Variants in CRTAC1 observed in about 807,000 individuals in gnomAD.
CRTAC1 encodes the protein cartilage acidic protein 1.
Under a neutral mutation model 67.8 loss-of-function variants are expected in CRTAC1, and 37 were observed. The observed-to-expected ratio is 0.55, with a 90% CI of 0.42 to 0.72. CRTAC1 has a LOEUF of 0.72. Ranked by LOEUF, CRTAC1 falls within the 30% of genes least tolerant of loss-of-function variation. CRTAC1 has a pLI of 0.00. For missense variants in CRTAC1, 780 were observed against 931.6 expected, an observed-to-expected ratio of 0.84 and a Z score of 2.12; for synonymous variants, 348 against 371.0, an observed-to-expected ratio of 0.94 and a Z score of 0.71.
chr10:97,865,817 C>CG, intron 14 of CRTAC1, 103 bp from the exon 15 acceptor site: 4 of 1,096,184 alleles, frequency 3.6e-6, no homozygotes, highest in Non-Finnish European at 4.9e-6. Flanking sequence ...ACCCTGCTGC[C>CG]CGGGGTGGGA....
chr10:97,899,646 C>T (rs1223509550), intron 8 of CRTAC1, among the ~76,000 whole-genome samples: 2 of 152,188 alleles, frequency 1.3e-5, no homozygotes, highest in Admixed American at 1.3e-4. Context: ...AAATCTAGCG[C>T]CTTCAGGGGG....
At chr10:97,993,175 A>G (rs975501388) in intron 2 of CRTAC1, among the ~76,000 whole-genome samples, 2 of 152,192 alleles carry the variant, frequency 1.3e-5, no homozygotes, top group South Asian at 2.1e-4. Flanking sequence ...TGGAGGCTCA[A>G]TGATACTGTC....
At chr10:97,992,198 TA>T (rs1484661627) in intron 2 of CRTAC1, among the ~76,000 whole-genome samples, 3 of 152,132 alleles carry the variant, frequency 2.0e-5, no homozygotes, top group African/African-American at 4.8e-5. Flanking sequence ...GAAGCAACTT[TA>T]AAAGATCCTG....
At chr10:98,024,674 AT>A (rs534146019) in intron 1 of CRTAC1, among the ~76,000 whole-genome samples, 30 of 145,250 alleles carry the variant, frequency 2.1e-4, no homozygotes, top group African/African-American at 7.6e-4. Context: ...GAAAATTTTA[AT>A]TTTTTTAGTG....
At chr10:97,943,086 GA>G (rs1296265795) in intron 2 of CRTAC1, among the ~76,000 whole-genome samples, 6 of 151,668 alleles carry the variant, frequency 4.0e-5, no homozygotes, top group African/African-American at 1.5e-4. Context: ...AAAAAAAAGT[GA>G]AAAGTGAAAA....
chr10:97,980,105 A>G (rs1316840223), intron 2 of CRTAC1, among the ~76,000 whole-genome samples: 1 of 152,190 alleles, frequency 6.6e-6, no homozygotes, highest in Non-Finnish European at 1.5e-5. Context: ...AGTTTCTTAA[A>G]TCTTTGTTTG....
At chr10:97,894,527 C>G (rs1241981809) in intron 11 of CRTAC1, among the ~76,000 whole-genome samples, 1 of 150,980 alleles carries the variant, frequency 6.6e-6, no homozygotes, top group Non-Finnish European at 1.5e-5. Flanking sequence ...TCCCAGGTAG[C>G]TGGGACTACA....
At chr10:97,991,398 G>A (rs1352302955) in intron 2 of CRTAC1, among the ~76,000 whole-genome samples, 1 of 147,744 alleles carries the variant, frequency 6.8e-6, no homozygotes, top group African/African-American at 2.5e-5. Context: ...GGGTGACAGA[G>A]GGGAACCCTG....
chr10:97,911,113 C>A (rs2050682874), intron 5 of CRTAC1, among the ~76,000 whole-genome samples: 1 of 152,308 alleles, frequency 6.6e-6, no homozygotes, highest in East Asian at 1.9e-4. Context: ...TGGCAGCTGT[C>A]CCTGCCCTGG....
chr10:97,973,305 A>G (rs1300810894), intron 2 of CRTAC1, among the ~76,000 whole-genome samples: 6 of 151,808 alleles, frequency 4.0e-5, no homozygotes, highest in African/African-American at 1.5e-4. Flanking sequence ...GTCCCACCCT[A>G]ATTCACACAC....
intron 2 of CRTAC1, among the ~76,000 whole-genome samples, chr10:97,964,184 C>G (rs990762642): frequency 6.6e-6 from 1 of 152,182 alleles, no homozygotes; most frequent in Admixed American, 6.5e-5. Flanking sequence ...CAGTGCATTA[C>G]GCTGGGTGGC....
intron 2 of CRTAC1, among the ~76,000 whole-genome samples, chr10:97,937,150 C>T (rs1441861957): frequency 6.6e-6 from 1 of 152,202 alleles, no homozygotes; most frequent in Non-Finnish European, 1.5e-5. Flanking sequence ...CTTATCTCTA[C>T]TCTGTCTCAC....
chr10:97,937,205 G>C (rs532212448), intron 2 of CRTAC1, among the ~76,000 whole-genome samples: 1 of 152,248 alleles, frequency 6.6e-6, no homozygotes, highest in South Asian at 2.1e-4. Flanking sequence ...GAAGCCCCAG[G>C]CACTTTCTTG....
At chr10:97,903,449 G>T (rs1319488426) in intron 7 of CRTAC1, among the ~76,000 whole-genome samples, 1 of 151,766 alleles carries the variant, frequency 6.6e-6, no homozygotes, top group East Asian at 1.9e-4. Context: ...CCTGGGCTCA[G>T]GGCATGCCTC....
chr10:97,893,528 G>A (rs1237983028), intron 11 of CRTAC1, among the ~76,000 whole-genome samples: 1 of 152,052 alleles, frequency 6.6e-6, no homozygotes, highest in African/African-American at 2.4e-5. Flanking sequence ...AGCCTCTTTA[G>A]ACTTTTTCCC....
At chr10:97,980,723 A>G (rs2051880044) in intron 2 of CRTAC1, among the ~76,000 whole-genome samples, 1 of 152,246 alleles carries the variant, frequency 6.6e-6, no homozygotes, top group Non-Finnish European at 1.5e-5. Flanking sequence ...AGAGGCTCAG[A>G]GAAGTCTGGC....
intron 7 of CRTAC1, among the ~76,000 whole-genome samples, chr10:97,903,865 G>A (rs1289825959): frequency 6.6e-6 from 1 of 152,090 alleles, no homozygotes; most frequent in Non-Finnish European, 1.5e-5. Context: ...CACAGAGAGG[G>A]CTCTGAGGCC....
intron 1 of CRTAC1, among the ~76,000 whole-genome samples, chr10:98,027,855 C>T (rs1357431852): frequency 6.6e-6 from 1 of 152,126 alleles, no homozygotes; most frequent in Non-Finnish European, 1.5e-5. Context: ...GGAAGCAGGC[C>T]GCTGGAGTGG....
chr10:97,865,648 G>A lies in CRTAC1; in HGVS notation c.1886C>T (p.Ala629Val), dbSNP rs773473661. ...AGTGGCAGCTCCAGCAGCGGCAGCA[G>A]CAGCGGCAGTGGCAGCAGCAGCGGT... ...TPTAAAATAA[A>V]AAAAGAATAA... is the part of the protein sequence containing the mutation. Residue 629 changes from alanine (A) to valine (V), a missense_variant, in exon 15 of 15, where the codon GCT (alanine) becomes GTT (valine). Ala to Val is a moderately conservative substitution (Grantham distance 64, BLOSUM62 0). Transcript: ENST00000370597. 1.1e-5 allele frequency: 17 copies of A among 1,612,020 alleles called. No homozygotes were observed. The East Asian group carries it at 3.6e-4, about 34-fold the overall frequency.
Sources: gnomAD v4.1 joint callset for allele counts (sites outside exome capture counted in the v4.1 genomes callset) on GRCh38, gnomAD v4.1.1 for gene constraint, MANE v1.5 for transcripts, NCBI Gene and HGNC (gene_info 2026-07-23, HGNC 2026-07-21) for gene names.